The following PSG6 variants were observed in gnomAD, a reference collection of about 807,000 sequenced individuals.
PSG6 encodes the protein pregnancy specific beta-1-glycoprotein 6, also known as pregnancy-specific beta-1-glycoprotein 6.
A neutral mutation model predicts 43.3 loss-of-function variants in PSG6; 51 were observed. The observed-to-expected ratio is 1.18, with a 90% confidence interval of 0.94 to 1.49. The LOEUF (loss-of-function observed/expected upper bound fraction) is 1.49, where lower values mean the gene tolerates loss of function less well. Ranked by LOEUF, PSG6 falls within the 40% of genes most tolerant of loss-of-function variation. The probability of loss-of-function intolerance (pLI) is 0.00; values close to 1 mark genes in which losing one functional copy is unlikely to be tolerated. For synonymous variants in PSG6, 292 were observed against 197.6 expected (o/e 1.48, Z -4.01); for missense variants, 770 against 522.2 (o/e 1.47, Z -4.62).
At position 42,910,630 on chromosome 19, in the gene PSG6, C is replaced by T. The variant is rs370061837; in HGVS notation, c.656G>A (p.Arg219Gln). Residue 219 changes from arginine (R) to glutamine (Q), a missense_variant, in exon 3 of 6, where the codon CGG becomes CAG. By Grantham distance (43) the Arg-to-Gln change is conservative. Coordinates refer to ENST00000187910, the MANE Select transcript of PSG6 (RefSeq NM_001031850.4). ...YIAGPYECEI[R>Q]NPVSASRSDP... ...ACTGCGGCTGGCACTCACTGGGTTCCGTATTTCACATTCATAGGGTCCTGC... is the reference window on the plus strand; with the variant it reads ...ACTGCGGCTGGCACTCACTGGGTTCTGTATTTCACATTCATAGGGTCCTGC... 2.0e-5 allele frequency: 32 copies of T among 1,612,244 alleles called. 1 individual carries two copies. The highest frequency in any genetic ancestry group is 1.6e-4 in the Middle Eastern group (1 of 6,084).
intron 1 of PSG6, 118 bp from the exon 2 acceptor site, chr19:42,916,605 C>A: frequency 7.3e-7 from 1 of 1,365,054 alleles, no homozygotes; most frequent in South Asian, 1.4e-5. Context: ...TGCACACACA[C>A]ACATACAAAC....
chr19:42,910,524 T>C (rs1157243614), intron 3 of PSG6, 56 bp downstream of exon 3: 4 of 1,612,532 alleles, frequency 2.5e-6, no homozygotes, highest in African/African-American at 2.7e-5. Flanking sequence ...GCCTGGCCTC[T>C]GGCCACTTGT....
rs2122633593 is a variant in PSG6 at position 42,910,617 on chromosome 19, A to C, written c.669T>G (p.Ser223Arg). 2 of 1,612,372 alleles carry C rather than the reference A, an allele frequency of 1.2e-6. No homozygotes were observed. Among genetic ancestry groups the C allele is most frequent in the Middle Eastern group, 1.6e-4 (1 of 6,062 alleles). ...GGGTGACTGGGTCACTGCGGCTGGC[A>C]CTCACTGGGTTCCGTATTTCACATT... is the stretch of plus-strand genomic sequence containing the variant. Reference protein sequence around the residue: ...PYECEIRNPVSASRSDPVTLN... With the variant: ...PYECEIRNPVRASRSDPVTLN... The change falls in exon 3 of 6, where the codon AGT (serine) becomes AGG (arginine). Residue 223 changes from serine to arginine, a missense_variant. Transcript: ENST00000187910.
At chr19:42,917,237 C>G (rs1972353940) in intron 1 of PSG6, among the ~76,000 whole-genome samples, 1 of 151,462 alleles carries the variant, frequency 6.6e-6, no homozygotes. Context: ...TAAGATTTTA[C>G]TACCTCTTAC....
rs1046141736 is a variant in PSG6, at chr19:42,915,788, G to T, written c.427+337C>A. The T allele has an allele frequency of 2.5e-5, 12 of 471,430 alleles. 1 individual carries two copies. The South Asian group carries it at 4.4e-4, about 17-fold the overall frequency. The allele number at this position is 471,430 out of a possible 1,614,324, so 29.2% of individuals were successfully genotyped here. On this transcript the variant is annotated intron_variant, in intron 2 of 5. Coordinates refer to ENST00000187910, the MANE Select transcript of PSG6 (RefSeq NM_001031850.4). Reference sequence around the variant, plus strand: ...TGAGGGTATCTCAGTGGGCCCCTCAGGCCAAGCCCTACTCAGTTTTCCAGG... The same window carrying T: ...TGAGGGTATCTCAGTGGGCCCCTCATGCCAAGCCCTACTCAGTTTTCCAGG...
Position 42,910,889 on chromosome 19 carries a change from G to A in PSG6, c.428-31C>T, listed in dbSNP as rs772478204. 8.9e-6 allele frequency: 14 copies of A among 1,575,030 alleles called. 1 individual carries two copies. In the South Asian group the frequency reaches 1.5e-4, roughly 17 times the overall value. On this transcript the variant is annotated intron_variant, in intron 2 of 5. Transcript: ENST00000187910. ...CAGAAAACAGAGAGAAGATTGCCCTGTGTGGCACCTTTGATTCCTCCAAAG... is the reference window on the plus strand; with the variant it reads ...CAGAAAACAGAGAGAAGATTGCCCTATGTGGCACCTTTGATTCCTCCAAAG...
rs145559951 is a variant in PSG6 at position 42,910,460 on chromosome 19, C to T, written c.706+120G>A. 2.1e-4 allele frequency: 337 copies of T among 1,609,608 alleles called. 7 individuals carry two copies. The African/African-American group carries it at 3.9e-3, about 19-fold the overall frequency. ...GCCTGGAGCAGAAAGTCATGGCCAG[C>T]TTTGATGTTCAGGGATAAAGGTCTC... On this transcript the variant is annotated intron_variant, in intron 3 of 5. Transcript: ENST00000187910.
intron 2 of PSG6, chr19:42,915,727 G>C (rs559023967): frequency 2.1e-4 from 62 of 300,896 alleles, no homozygotes; most frequent in Non-Finnish European, 3.3e-4. Flanking sequence ...TTAGGGACAG[G>C]GGTCTGGGAT....
intron 5 of PSG6, among the ~76,000 whole-genome samples, chr19:42,905,898 T>A (rs1329562752): frequency 6.6e-6 from 1 of 151,214 alleles, no homozygotes; most frequent in East Asian, 1.9e-4. Context: ...AGTAGAATGG[T>A]GGGTGTTAAG....
In PSG6 at chr19:42,910,797, A is replaced by T. The variant is rs756795239; in HGVS notation, c.489T>A (p.Ala163=). 4.3e-6 allele frequency: 7 copies of T among 1,612,186 alleles called. No homozygotes were observed. The South Asian group carries it at 4.4e-5, about 10-fold the overall frequency. ...TCTCAGGATCACAGATTAAGCGCAC[A>T]GCCTCCATGACCTCCCTGGGGTTTA... ...SNLNPREVME[A]VRLICDPETP... The change falls in exon 3 of 6, where the codon GCT becomes GCA. Residue 163 remains alanine, a synonymous_variant. Transcript: ENST00000187910.
At chr19:42,906,194 C>T (rs1015116772) in intron 5 of PSG6, among the ~76,000 whole-genome samples, 1 of 151,610 alleles carries the variant, frequency 6.6e-6, no homozygotes, top group African/African-American at 2.4e-5. Flanking sequence ...CGTGCTGTGT[C>T]CCACGTGCTG....
At chr19:42,911,590 C>T (rs1972227573) in intron 2 of PSG6, among the ~76,000 whole-genome samples, 1 of 151,628 alleles carries the variant, frequency 6.6e-6, no homozygotes, top group Admixed American at 6.6e-5. Flanking sequence ...TGTTCTGGGT[C>T]CATGATGCTC....
chr19:42,917,335 T>G (rs1568449010), intron 1 of PSG6, among the ~76,000 whole-genome samples: 2 of 149,910 alleles, frequency 1.3e-5, no homozygotes, highest in Admixed American at 6.7e-5. Flanking sequence ...AGAGCCTTCT[T>G]TCCCTTTTTT....
At chr19:42,911,783 A>G (rs1188846824) in intron 2 of PSG6, among the ~76,000 whole-genome samples, 1 of 151,740 alleles carries the variant, frequency 6.6e-6, no homozygotes, top group East Asian at 1.9e-4. Context: ...AGTCTTGCAG[A>G]TACTTTCTCT....
intron 3 of PSG6, among the ~76,000 whole-genome samples, chr19:42,908,162 C>T (rs1156971924): frequency 6.6e-6 from 1 of 151,684 alleles, no homozygotes; most frequent in Non-Finnish European, 1.5e-5. Context: ...AATCAGTTGA[C>T]TGGCTGGCTC....
At position 42,913,116 on chromosome 19, in the gene PSG6, C is replaced by T. The variant is rs73550899; in HGVS notation, c.428-2258G>A. Among the ~76,000 whole-genome samples the T allele has an allele frequency of 7.7e-3, 1,162 of 151,578 alleles. 29 individuals are homozygous for T. Among genetic ancestry groups the T allele is most frequent in the African/African-American group, 0.026 (1,088 of 41,320 alleles). On this transcript the variant is annotated intron_variant, in intron 2 of 5. Transcript: ENST00000187910. The stretch of plus-strand genomic sequence containing the variant: ...TAGGGATTCTTTCCTCAGCTCTGTG[C>T]GGTCTATCAGTAAGCATCAAAAGCA...
Position 42,916,287 on chromosome 19 carries a change from T to A in PSG6, c.265A>T (p.Ile89Leu). 6.2e-7 allele frequency: 1 copy of A among 1,612,084 alleles called. No individual in the cohort carries two copies. The highest frequency in any genetic ancestry group is 1.1e-5 in the South Asian group (1 of 90,640). Residue 89 changes from isoleucine to leucine, a missense_variant, in exon 2 of 6, where the codon ATA becomes TTA. By Grantham distance (5) the Ile-to-Leu change is conservative. Transcript: ENST00000187910. ...CGTCCACTGTAGGCAGGCCCATATA[T>A]AATTTGACCGTGTACTACATATGAT... ...ITSYVVHGQI[I>L]YGPAYSGRET...
Position 42,909,224 on chromosome 19 carries a change from T to C in PSG6, c.706+1356A>G, listed in dbSNP as rs544578634. Reference sequence around the variant, plus strand: ...TCTTGCCCTTTTTTTTCTCTCACCATGTTTCTAGCTTGGTGATTAGTTTTC... The same window carrying C: ...TCTTGCCCTTTTTTTTCTCTCACCACGTTTCTAGCTTGGTGATTAGTTTTC... On this transcript the variant is annotated intron_variant, in intron 3 of 5. Transcript: ENST00000187910. Among the ~76,000 whole-genome samples the C allele has an allele frequency of 2.6e-5, 4 of 151,554 alleles. 1 individual carries two copies. The highest frequency in any genetic ancestry group is 1.9e-4 in the East Asian group (1 of 5,166).
rs373689077 is a variant in PSG6, at chr19:42,907,167, T to A, written c.995A>T (p.Asp332Val). ...PVTLNVLYGP[D>V]LPRIYPSFTY... is the part of the protein sequence containing the mutation. ...GAATGAAGGGTAAATTCTGGGGAGG[T>A]CTGGACCATCTGGAGGAAAGAGAAT... Residue 332 changes from aspartate (D) to valine (V), a missense_variant, in exon 5 of 6, where the codon GAC becomes GTC. Physicochemically the swap from Asp to Val is radical, Grantham distance 152 (BLOSUM62 -3). Transcript: ENST00000187910. The A allele has an allele frequency of 3.7e-6, 6 of 1,611,186 alleles. No homozygotes were observed. Among genetic ancestry groups the A allele is most frequent in the Non-Finnish European group, 5.1e-6 (6 of 1,178,494 alleles).
Sources: allele counts gnomAD v4.1 joint callset (sites outside exome capture counted in the v4.1 genomes callset), GRCh38; gene constraint gnomAD v4.1.1; transcripts MANE v1.5; gene names NCBI Gene and HGNC (gene_info 2026-07-23, HGNC 2026-07-21).